Variants in MYBPC2 observed in about 807,000 individuals in gnomAD.
MYBPC2 encodes myosin-binding protein C, fast-type.
MYBPC2 carries 122 observed loss-of-function variants against 137.0 expected under a neutral mutation model. The ratio of observed to expected loss-of-function variants is 0.89; its 90% CI spans 0.77 to 1.03. The LOEUF (loss-of-function observed/expected upper bound fraction) is 1.03, where lower values mean the gene tolerates loss of function less well. Ranked by LOEUF, MYBPC2 falls within the 50% of genes least tolerant of loss-of-function variation. The pLI, the probability that MYBPC2 is intolerant of heterozygous loss-of-function variation, is 0.00. For synonymous variants in MYBPC2, 626 were observed against 612.3 expected, an observed-to-expected ratio of 1.02 and a Z score of -0.33; for missense variants, 1,500 against 1,534.4, an observed-to-expected ratio of 0.98 and a Z score of 0.37.
chr19:50,436,527 G>A (rs1052304986), intron 4 of MYBPC2, 90 bp from the exon 5 acceptor site: 16 of 1,185,026 alleles, frequency 1.4e-5, no homozygotes, highest in South Asian at 5.4e-5. Flanking sequence ...GGGTGAGGAC[G>A]TGGAGATAGA....
chr19:50,433,941 G>A (rs2039680132), intron 1 of MYBPC2, among the ~76,000 whole-genome samples: 1 of 152,144 alleles, frequency 6.6e-6, no homozygotes, highest in Admixed American at 6.5e-5. Context: ...CAGGTGTGGT[G>A]GTGCATGCCT....
chr19:50,464,114 GCT>G, intron 26 of MYBPC2: 1 of 450,998 alleles, frequency 2.2e-6, no homozygotes, highest in Admixed American at 3.8e-5. Context: ...CAAACAGTGA[GCT>G]CTTTGTCCTG....
Position 50,449,195 on chromosome 19 carries a change from T to C in MYBPC2, c.1472+805T>C, listed in dbSNP as rs76757945. Among the ~76,000 whole-genome samples, 908 of 152,242 alleles carry C rather than the reference T, an allele frequency of 6.0e-3. 13 individuals are homozygous for C. Among genetic ancestry groups the C allele is most frequent in the African/African-American group, 0.019 (770 of 41,538 alleles). ...GAGACACTCTCTCTAAATAAATAAA[T>C]AAATAAATTAGGATTCATTTCATCT... is the stretch of plus-strand genomic sequence containing the variant. On this transcript the variant is annotated intron_variant, in intron 13 of 27. Coordinates refer to ENST00000357701, the MANE Select transcript of MYBPC2 (RefSeq NM_004533.4).
rs745623822 is a variant in MYBPC2, at chr19:50,443,515, T to G, written c.924T>G (p.Gly308=). 33 of 1,613,286 alleles carry G rather than the reference T, an allele frequency of 2.0e-5. No individual in the cohort carries two copies. Among genetic ancestry groups the G allele is most frequent in the Non-Finnish European group, 2.5e-5 (30 of 1,179,656 alleles). ...PSSKYVFENV[G]KKRILTINKC... is the part of the protein sequence containing the mutation. ...TCAGGTACGTGTTTGAGAACGTTGG[T>G]AAGAAGCGAATTCTTACCATCAACA... Residue 308 remains glycine (G), a synonymous_variant, in exon 10 of 28, where the codon GGT becomes GGG. Transcript: ENST00000357701.
At chr19:50,452,068 G>A in intron 16 of MYBPC2, 65 bp downstream of exon 16, 1 of 1,487,104 alleles carries the variant, frequency 6.7e-7, no homozygotes, top group Non-Finnish European at 9.2e-7. Context: ...TTCCCCCTGA[G>A]CCTGAGTTTC....
rs1047900641 is a variant in MYBPC2 at position 50,437,533 on chromosome 19, C to T, written c.512+12C>T. Reference sequence around the variant, plus strand: ...AGCTTCAAGCGTACGTAAGTGACCCCAGGCCCTTACCAGGGTCCCAAGGAC... The same window carrying T: ...AGCTTCAAGCGTACGTAAGTGACCCTAGGCCCTTACCAGGGTCCCAAGGAC... On this transcript the variant is annotated intron_variant, in intron 6 of 27. Transcript: ENST00000357701. 8 of 1,608,656 alleles carry T rather than the reference C, an allele frequency of 5.0e-6. No homozygotes were observed. The highest frequency in any genetic ancestry group is 2.2e-5 in the East Asian group (1 of 44,726).
chr19:50,436,862 G>A, intron 5 of MYBPC2, 128 bp downstream of exon 5: 1 of 789,290 alleles, frequency 1.3e-6, no homozygotes, highest in South Asian at 1.6e-5. Context: ...GGAGGAGGGA[G>A]TGCAGATTCT....
intron 26 of MYBPC2, among the ~76,000 whole-genome samples, chr19:50,463,891 A>G (rs1272899992): frequency 6.6e-6 from 1 of 151,420 alleles, no homozygotes; most frequent in Non-Finnish European, 1.5e-5. Flanking sequence ...GTGAGCCAAG[A>G]TCACGCCACT....
chr19:50,451,080 C>T (rs2039852640), intron 14 of MYBPC2, 145 bp downstream of exon 14: 1 of 1,018,826 alleles, frequency 9.8e-7, no homozygotes, highest in Non-Finnish European at 1.5e-6. Flanking sequence ...TGGCTGGAGT[C>T]AGAAGATGGA....
intron 19 of MYBPC2, 47 bp downstream of exon 19, chr19:50,455,343 T>C (rs758776000): frequency 6.4e-7 from 1 of 1,572,712 alleles, no homozygotes; most frequent in Non-Finnish European, 8.7e-7. Flanking sequence ...GATGGATCAC[T>C]CTGATCCATC....
Position 50,466,155 on chromosome 19 carries a change from T to C in MYBPC2, c.3416-40T>C. On this transcript the variant is annotated intron_variant, in intron 27 of 27. Transcript: ENST00000357701. This position sits in a 1 kb window ranked among gnomAD's most constrained non-coding sequence, Gnocchi z 4.9. Reference sequence around the variant, plus strand: ...CCTCCTGGGGCTTCAGGAGGAGGCGTGCCCGGGCCTGGCTCACCCGCTTTC... The same window carrying C: ...CCTCCTGGGGCTTCAGGAGGAGGCGCGCCCGGGCCTGGCTCACCCGCTTTC... 1.9e-6 allele frequency: 3 copies of C among 1,613,124 alleles called. No homozygotes were observed.
In MYBPC2 at chr19:50,445,947, G is replaced by A. The variant is rs753307291; in HGVS notation, c.1201G>A (p.Gly401Arg). Residue 401 changes from glycine to arginine, a missense_variant, in exon 12 of 28, where the codon GGG becomes AGG. Coordinates refer to ENST00000357701, the MANE Select transcript of MYBPC2 (RefSeq NM_004533.4). Reference sequence around the variant, plus strand: ...GGCCCGGTACCGCTTCAAGAAGGACGGGAAGCGCCACATCCTCATCTTCTC... The same window carrying A: ...GGCCCGGTACCGCTTCAAGAAGGACAGGAAGCGCCACATCCTCATCTTCTC... ...FKARYRFKKDGKRHILIFSDV... is the reference protein window; with the variant it reads ...FKARYRFKKDRKRHILIFSDV... The A allele has an allele frequency of 1.9e-6, 3 of 1,612,254 alleles. No homozygotes were observed. The highest frequency in any genetic ancestry group is 2.5e-6 in the Non-Finnish European group (3 of 1,179,222).
chr19:50,453,963 G>T, intron 16 of MYBPC2, 57 bp from the exon 17 acceptor site: 1 of 1,529,008 alleles, frequency 6.5e-7, no homozygotes. Flanking sequence ...GCAGAGGCAG[G>T]CCTGGGTTTG....
intron 24 of MYBPC2, among the ~76,000 whole-genome samples, chr19:50,461,212 C>T (rs1601298215): frequency 6.6e-6 from 1 of 151,810 alleles, no homozygotes; most frequent in East Asian, 1.9e-4. Flanking sequence ...GCCGGGTTGC[C>T]CACTCTGGTC....
chr19:50,437,861 G>A (rs1372134200), intron 7 of MYBPC2, 143 bp downstream of exon 7: 2 of 941,346 alleles, frequency 2.1e-6, no homozygotes, highest in East Asian at 2.7e-5. Context: ...TGCCCACCCA[G>A]CATCTAACAC....
chr19:50,464,304 G>C lies in MYBPC2; in HGVS notation c.3229-42G>C, dbSNP rs746055746. 1.9e-6 allele frequency: 3 copies of C among 1,539,856 alleles called. No individual in the cohort carries two copies. The East Asian group carries it at 7.1e-5, about 36-fold the overall frequency. ...CCCCATTTTGTCATCATTGCCCAGG[G>C]TCTCTCTCTAAGTTGGCCTCCTCTC... On this transcript the variant is annotated intron_variant, in intron 26 of 27. Coordinates refer to ENST00000357701, the MANE Select transcript of MYBPC2 (RefSeq NM_004533.4).
In MYBPC2 at chr19:50,460,120, G is replaced by A. The variant is rs747626327; in HGVS notation, c.2872G>A (p.Asp958Asn). 19 of 1,574,284 alleles carry A rather than the reference G, an allele frequency of 1.2e-5. No homozygotes were observed. Among genetic ancestry groups the A allele is most frequent in the Non-Finnish European group, 1.5e-5 (18 of 1,162,088 alleles). Residue 958 changes from aspartate (D) to asparagine (N), a missense_variant, in exon 24 of 28, where the codon GAT becomes AAT. By Grantham distance (23) the Asp-to-Asn change is conservative (BLOSUM62 1). Transcript: ENST00000357701. ...GCTGGTGGAGTGGCAGGCCCCCAAA[G>A]ATGATGGGAACAGTGAGATCATGGG... ...NALVEWQAPK[D>N]DGNSEIMGYF... is the part of the protein sequence containing the mutation.
In MYBPC2 at chr19:50,454,351, G is replaced by A. The variant is rs756397342; in HGVS notation, c.1996G>A (p.Gly666Arg). The stretch of plus-strand genomic sequence containing the variant: ...TGTCTGGGAGCCACCAATGTACGAT[G>A]GGGGGAAGCCAGTCACCGGTGAGTG... ...ILVWEPPMYD[G>R]GKPVTGYLVE... The change falls in exon 18 of 28, where the codon GGG (glycine) becomes AGG (arginine). Residue 666 changes from glycine (G) to arginine (R), a missense_variant. Physicochemically the swap from Gly to Arg is moderately radical, Grantham distance 125. Transcript: ENST00000357701. 6.2e-7 allele frequency: 1 copy of A among 1,609,974 alleles called. No homozygotes were observed. Among genetic ancestry groups the A allele is most frequent in the South Asian group, 1.1e-5 (1 of 90,830 alleles).
Position 50,437,463 on chromosome 19 carries a change from C to T in MYBPC2, c.464-10C>T. ...AACTCACCTTCCCTTCTCTCATCAC[C>T]TCTCCCCAGCACCCCGTCAGGATGC... is the stretch of plus-strand genomic sequence containing the variant. On this transcript the variant is annotated splice_polypyrimidine_tract_variant and intron_variant, in intron 5 of 27. Coordinates refer to ENST00000357701, the MANE Select transcript of MYBPC2 (RefSeq NM_004533.4). 6.2e-7 allele frequency: 1 copy of T among 1,609,286 alleles called. No homozygotes were observed. The highest frequency in any genetic ancestry group is 8.5e-7 in the Non-Finnish European group (1 of 1,177,876).
Sources: allele counts gnomAD v4.1 joint callset (sites outside exome capture counted in the v4.1 genomes callset), GRCh38; gene constraint gnomAD v4.1.1; non-coding constraint Gnocchi (gnomAD v3.1); transcripts MANE v1.5; gene names NCBI Gene and HGNC (gene_info 2026-07-23, HGNC 2026-07-21).